MGAT1: variants seen among roughly 807,000 people sequenced by gnomAD.
MGAT1 encodes N-glycosyl-oligosaccharide-glycoprotein N-acetylglucosaminyltransferase I.
MGAT1 carries 14 observed loss-of-function variants against 31.7 expected under a neutral mutation model. That is an observed-to-expected ratio of 0.44 (90% CI 0.29 to 0.69). The LOEUF is 0.69. Ranked by LOEUF, MGAT1 falls within the 30% of genes least tolerant of loss-of-function variation. The pLI is 0.12. For missense variants in MGAT1, 557 were observed against 626.0 expected (o/e 0.89, Z 1.18); for synonymous variants, 338 against 276.0 (o/e 1.22, Z -2.23).
At chr5:180,803,215 C>G (rs1275402176), upstream of MGAT1, 2 of 152,704 alleles carry the variant, frequency 1.3e-5, no homozygotes, top group African/African-American at 4.8e-5. Flanking sequence ...GGCTGAGGAG[C>G]CCGGGTGGGA....
chr5:180,791,524 G>T lies in MGAT1; in HGVS notation c.*110C>A. On this transcript the variant is annotated 3_prime_UTR_variant, in exon 2 of 2. Coordinates refer to ENST00000307826, the MANE Select transcript of MGAT1 (RefSeq NM_002406.4). ...AAATGCCACTCGGAAAAATCAAAAA[G>T]ATAAATGCACCTAAGAGGGAAACAC... 7.4e-7 allele frequency: 1 copy of T among 1,358,702 alleles called. No individual in the cohort carries two copies. The highest frequency in any genetic ancestry group is 1.0e-6 in the Non-Finnish European group (1 of 991,242). The allele number at this position is 1,358,702 out of a possible 1,614,324, so 84.2% of individuals were successfully genotyped here. A position where few individuals can be genotyped will look rare whatever the true frequency, so the allele number is the denominator to read the frequency against.
chr5:180,791,703 C>G lies in MGAT1; in HGVS notation c.1269G>C (p.Gln423His). ...RAGYRGIVTF[Q>H]FRGRRVHLAP... ...CCAGGTGGACACGGCGGCCCCGGAA[C>G]TGGAAGGTGACAATACCCCGGTAGC... Residue 423 changes from glutamine to histidine, a missense_variant, in exon 2 of 2, where the codon CAG becomes CAC. By Grantham distance (24) the Gln-to-His change is conservative. Around this residue, in one of 3 missense-constraint regions of MGAT1, gnomAD observed 145 missense variants for 143.2 expected, o/e 1.01. Transcript: ENST00000307826. The G allele has an allele frequency of 6.2e-7, 1 of 1,613,968 alleles. No homozygotes were observed. Among genetic ancestry groups the G allele is most frequent in the Non-Finnish European group, 8.5e-7 (1 of 1,180,024 alleles).
At position 180,792,368 on chromosome 5, in the gene MGAT1, A is replaced by T; in HGVS notation, c.604T>A (p.Phe202Ile). The T allele has an allele frequency of 6.2e-7, 1 of 1,611,104 alleles. No individual in the cohort carries two copies. The highest frequency in any genetic ancestry group is 8.5e-7 in the Non-Finnish European group (1 of 1,178,200). Residue 202 changes from phenylalanine (F) to isoleucine (I), a missense_variant, in exon 2 of 2, where the codon TTC (phenylalanine) becomes ATC (isoleucine). By Grantham distance (21) the Phe-to-Ile change is conservative. This residue lies in a region of MGAT1 where 245 missense variants were observed against 332.9 expected (regional missense o/e 0.74). Transcript: ENST00000307826. The stretch of plus-strand genomic sequence containing the variant: ...TCCTCCACCACCACGGCCGCGGGGA[A>T]GCGAAACTGCCGGAAGACCTGGCCC... The part of the protein sequence containing the change: ...ALGQVFRQFR[F>I]PAAVVVEDDL...
intron 1 of MGAT1, among the ~76,000 whole-genome samples, chr5:180,811,811 C>G (rs940243554): frequency 6.6e-6 from 1 of 152,258 alleles, no homozygotes; most frequent in Non-Finnish European, 1.5e-5. Context: ...ACCCACTGGC[C>G]TGCCTAGCTG....
chr5:180,810,103 C>A (rs1479865365), intron 1 of MGAT1: 1 of 151,528 alleles, frequency 6.6e-6, no homozygotes, highest in Non-Finnish European at 1.5e-5. Context: ...AATCCAGGCC[C>A]CAGGCCCGAT....
chr5:180,795,670 G>T lies in MGAT1; in HGVS notation c.-126-2573C>A, dbSNP rs541698265. 7 of 152,250 alleles carry T rather than the reference G, an allele frequency of 4.6e-5. No homozygotes were observed. In the South Asian group the frequency reaches 8.3e-4, roughly 18 times the overall value. 9.4% of individuals were successfully genotyped at this position (152,250 alleles called of 1,614,324 possible). On this transcript the variant is annotated intron_variant, in intron 1 of 1. Transcript: ENST00000307826. ...TATCCTTATACTATTTTTTATTCTTGCAATTTGTGTAAGTTTGAAGCTATT... is the reference window on the plus strand; with the variant it reads ...TATCCTTATACTATTTTTTATTCTTTCAATTTGTGTAAGTTTGAAGCTATT...
rs989790371 is a variant in MGAT1, at chr5:180,788,936, G to A, written c.*2698C>T. The A allele has an allele frequency of 6.6e-6, 1 of 152,294 alleles. No individual in the cohort carries two copies. The highest frequency in any genetic ancestry group is 2.4e-5 in the African/African-American group (1 of 41,466). The allele number at this position is 152,294 out of a possible 1,614,324, so 9.4% of individuals were successfully genotyped here. On this transcript the variant is annotated 3_prime_UTR_variant, in exon 2 of 2. Transcript: ENST00000307826. ...AGCTGCATGACATGCTATGCGCATG[G>A]AGCGTGGCGGCCAAACTCCTCCTGG...
upstream of MGAT1, chr5:180,804,064 C>CT (rs3842026): frequency 0.13 from 19,220 of 152,300 alleles, 1,280 homozygotes; most frequent in East Asian, 0.24. Context: ...CGCGCGCACC[C>CT]GCAGGCCCCT....
At position 180,791,762 on chromosome 5, in the gene MGAT1, T is replaced by C; in HGVS notation, c.1210A>G (p.Met404Val). 6.2e-7 allele frequency: 1 copy of C among 1,614,030 alleles called. No individual in the cohort carries two copies. The highest frequency in any genetic ancestry group is 8.5e-7 in the Non-Finnish European group (1 of 1,179,900). ...GGAACCCCCGACTTAAGGTCATCCA[T>C]GACACCCAGAGCCTTGGCGAAAGCC... is the stretch of plus-strand genomic sequence containing the variant. ...FKAFAKALGV[M>V]DDLKSGVPRA... The change falls in exon 2 of 2, where the codon ATG becomes GTG. Residue 404 changes from methionine to valine, a missense_variant. Coordinates refer to ENST00000307826, the MANE Select transcript of MGAT1 (RefSeq NM_002406.4).
At chr5:180,799,877 G>A (rs933427678) in intron 1 of MGAT1, among the ~76,000 whole-genome samples, 13 of 152,122 alleles carry the variant, frequency 8.5e-5, no homozygotes, top group Non-Finnish European at 1.8e-4. Flanking sequence ...CTGACTCCTA[G>A]GACCCTGCTA....
At chr5:180,794,313 T>G (rs1261238329) in intron 1 of MGAT1, among the ~76,000 whole-genome samples, 1 of 151,414 alleles carries the variant, frequency 6.6e-6, no homozygotes, top group Non-Finnish European at 1.5e-5. Flanking sequence ...CACCTGAGTC[T>G]GGGAGGCTGA....
chr5:180,800,042 GACC>G (rs1770396612), intron 1 of MGAT1, among the ~76,000 whole-genome samples: 2 of 152,214 alleles, frequency 1.3e-5, no homozygotes, highest in African/African-American at 4.8e-5. Flanking sequence ...TGGCGTGAAA[GACC>G]ACAAGCAAGA....
chr5:180,812,689 A>G (rs1401198565), intron 1 of MGAT1, among the ~76,000 whole-genome samples: 1 of 152,202 alleles, frequency 6.6e-6, no homozygotes, highest in Non-Finnish European at 1.5e-5. Flanking sequence ...CTTTCCTCCC[A>G]TAGTAGAAAA....
intron 2 of MGAT1, among the ~76,000 whole-genome samples, chr5:180,807,919 G>C (rs1321727957): frequency 6.6e-6 from 1 of 152,188 alleles, no homozygotes; most frequent in African/African-American, 2.4e-5. Context: ...GAGCAACATC[G>C]ATGTTATTGT....
rs1343751522 is a variant in MGAT1, at chr5:180,792,396, C to T, written c.576G>A (p.Ala192=). 3.7e-6 allele frequency: 6 copies of T among 1,610,136 alleles called. No individual in the cohort carries two copies. The highest frequency in any genetic ancestry group is 2.2e-5 in the East Asian group (1 of 44,788). ...YYKIARHYRW[A]LGQVFRQFRF... is the part of the protein sequence containing the mutation. ...GAAACTGCCGGAAGACCTGGCCCAG[C>T]GCCCAGCGGTAGTGGCGCGCGATCT... The change falls in exon 2 of 2, where the codon GCG becomes GCA. Residue 192 remains alanine (A), a synonymous_variant. Transcript: ENST00000307826.
upstream of MGAT1, among the ~76,000 whole-genome samples, chr5:180,804,928 C>G (rs1488617897): frequency 6.6e-6 from 1 of 152,110 alleles, no homozygotes; most frequent in Non-Finnish European, 1.5e-5. Context: ...CAGGAAGATC[C>G]AAAAGGAGAA....
chr5:180,810,715 C>G (rs890034785), intron 1 of MGAT1: 1 of 152,288 alleles, frequency 6.6e-6, no homozygotes, highest in South Asian at 2.1e-4. Context: ...GGCGAGAAGC[C>G]TTTCGGAAAG....
chr5:180,811,220 C>T (rs1335170175), intron 1 of MGAT1: 1 of 152,218 alleles, frequency 6.6e-6, no homozygotes, highest in Non-Finnish European at 1.5e-5. Flanking sequence ...GTCTCCTGGC[C>T]TGTGTTCTGT....
rs147866377 is a variant in MGAT1, at chr5:180,789,346, G to C, written c.*2288C>G. ...CGCCCAGGCTGGAGTGCAGTGGTGC[G>C]ATCTCAGGTCACTGCAACCACCCCG... On this transcript the variant is annotated 3_prime_UTR_variant, in exon 2 of 2. Coordinates refer to ENST00000307826, the MANE Select transcript of MGAT1 (RefSeq NM_002406.4). 0.057 allele frequency: 8,648 copies of C among 152,380 alleles called. 335 individuals are homozygous for C. Among genetic ancestry groups the C allele is most frequent in the Non-Finnish European group, 0.091 (6,198 of 68,092 alleles). The allele number at this position is 152,380 out of a possible 1,614,324, so 9.4% of individuals were successfully genotyped here. A position where few individuals can be genotyped will look rare whatever the true frequency, so the allele number is the denominator to read the frequency against.
Sources: gnomAD v4.1 joint callset for allele counts (sites outside exome capture counted in the v4.1 genomes callset) on GRCh38, gnomAD v4.1.1 for gene constraint, gnomAD v4.1.1 regional missense constraint, MANE v1.5 for transcripts, NCBI Gene and HGNC (gene_info 2026-07-23, HGNC 2026-07-21) for gene names.